Variants in MIPOL1 observed in about 807,000 individuals in gnomAD.
MIPOL1 encodes the protein mirror-image polydactyly gene 1 protein.
In MIPOL1, 57 loss-of-function variants were observed where a neutral mutation model predicts 60.9. The ratio of observed to expected loss-of-function variants is 0.94; its 90% CI spans 0.76 to 1.17. The LOEUF is 1.17. Among genes scored for constraint, MIPOL1 ranks in the 50% most tolerant of loss-of-function variants. The probability of loss-of-function intolerance (pLI) is 0.00; values close to 1 mark genes in which losing one functional copy is unlikely to be tolerated. For synonymous variants in MIPOL1, 179 were observed against 168.8 expected (o/e 1.06, Z -0.47); for missense variants, 551 against 511.6 (o/e 1.08, Z -0.74).
chr14:37,531,286 T>C (rs912709823), intron 12 of MIPOL1, among the ~76,000 whole-genome samples: 1 of 152,140 alleles, frequency 6.6e-6, no homozygotes, highest in African/African-American at 2.4e-5. Context: ...TCATCTATGC[T>C]GCTTTTTTCC....
intron 9 of MIPOL1, among the ~76,000 whole-genome samples, chr14:37,359,215 C>T (rs868103219): frequency 1.6e-4 from 25 of 152,278 alleles, no homozygotes; most frequent in Middle Eastern, 3.4e-3. Context: ...GTACCAGTAC[C>T]GTGCTGTTTT....
chr14:37,362,318 C>G (rs555218743), intron 9 of MIPOL1, among the ~76,000 whole-genome samples: 1 of 152,294 alleles, frequency 6.6e-6, no homozygotes, highest in African/African-American at 2.4e-5. Flanking sequence ...GTGGCAAAAT[C>G]TCTCAGCATT....
rs2092853833 is a variant in MIPOL1, at chr14:37,379,055, T to C, written c.936+9431T>C. 2.0e-5 allele frequency among the ~76,000 whole-genome samples: 3 copies of C among 152,130 alleles called. No individual in the cohort carries two copies. The South Asian group carries it at 6.2e-4, about 32-fold the overall frequency. ...CTTGGATGACTCACGGGTCTTGATG[T>C]AATGCCTACTACAAAGCTACAGTAA... is the stretch of plus-strand genomic sequence containing the variant. On this transcript the variant is annotated intron_variant, in intron 10 of 12. Transcript: ENST00000684589.
intron 9 of MIPOL1, among the ~76,000 whole-genome samples, chr14:37,355,391 T>C (rs2153477275): frequency 7.1e-6 from 1 of 141,368 alleles, no homozygotes; most frequent in Non-Finnish European, 1.5e-5. Context: ...TGTCTTGGAG[T>C]TGCTCTTCTC....
intron 9 of MIPOL1, among the ~76,000 whole-genome samples, chr14:37,363,508 A>G (rs2092359366): frequency 1.3e-5 from 2 of 152,102 alleles, no homozygotes. Flanking sequence ...TGGAAGCTTC[A>G]TCCCAGAGGG....
intron 9 of MIPOL1, among the ~76,000 whole-genome samples, chr14:37,365,326 A>G (rs2092433065): frequency 6.6e-6 from 1 of 152,060 alleles, no homozygotes; most frequent in Non-Finnish European, 1.5e-5. Context: ...CCCATTCAGT[A>G]TGATGTTTGT....
intron 11 of MIPOL1, among the ~76,000 whole-genome samples, chr14:37,436,932 T>C (rs1017158038): frequency 1.3e-5 from 2 of 152,204 alleles, no homozygotes; most frequent in Non-Finnish European, 2.9e-5. Flanking sequence ...AGGGTCAAAA[T>C]TGACTTGACT....
chr14:37,318,790 AT>A, intron 9 of MIPOL1, among the ~76,000 whole-genome samples: 1 of 135,940 alleles, frequency 7.4e-6, no homozygotes, highest in African/African-American at 2.7e-5. Context: ...ATTTTACTTC[AT>A]TTTATTTATT....
chr14:37,238,313 G>T (rs891088718), intron 1 of MIPOL1, among the ~76,000 whole-genome samples: 2 of 152,108 alleles, frequency 1.3e-5, no homozygotes, highest in African/African-American at 4.8e-5. Flanking sequence ...TTCATGGTTT[G>T]TGTTAGTTAA....
At chr14:37,208,125 T>G (rs1365891688) in intron 1 of MIPOL1, among the ~76,000 whole-genome samples, 1 of 152,198 alleles carries the variant, frequency 6.6e-6, no homozygotes, top group Non-Finnish European at 1.5e-5. Flanking sequence ...GATTTTATAC[T>G]GTTTTGGATG....
intron 6 of MIPOL1, among the ~76,000 whole-genome samples, chr14:37,285,008 G>A (rs1265174404): frequency 6.6e-6 from 1 of 152,194 alleles, no homozygotes; most frequent in Non-Finnish European, 1.5e-5. Context: ...TTGCTCTTCA[G>A]ATGGTTGTAG....
intron 11 of MIPOL1, among the ~76,000 whole-genome samples, chr14:37,458,336 A>G (rs1243779530): frequency 1.3e-5 from 2 of 152,218 alleles, no homozygotes; most frequent in Non-Finnish European, 2.9e-5. Context: ...ACATTCTCAG[A>G]ACATTCTATC....
intron 7 of MIPOL1, among the ~76,000 whole-genome samples, chr14:37,303,077 A>G (rs1432230508): frequency 3.9e-5 from 6 of 151,952 alleles, no homozygotes; most frequent in Non-Finnish European, 7.4e-5. Context: ...AATTTTATTC[A>G]TGAGATTTGC....
At chr14:37,393,413 T>C (rs1288706486) in intron 10 of MIPOL1, among the ~76,000 whole-genome samples, 2 of 129,414 alleles carry the variant, frequency 1.5e-5, no homozygotes, top group African/African-American at 5.7e-5. Context: ...TTTGTGTGTG[T>C]GTGTGTGTGT....
intron 9 of MIPOL1, among the ~76,000 whole-genome samples, chr14:37,318,888 G>T (rs1445009074): frequency 6.6e-6 from 1 of 152,014 alleles, no homozygotes; most frequent in Non-Finnish European, 1.5e-5. Context: ...GAATACAGTG[G>T]TGTGATCATG....
chr14:37,408,694 A>T (rs2093633029), intron 10 of MIPOL1, among the ~76,000 whole-genome samples: 1 of 152,170 alleles, frequency 6.6e-6, no homozygotes, highest in Admixed American at 6.5e-5. Flanking sequence ...AATCTACCAA[A>T]TGTGAGAATT....
At chr14:37,526,652 A>G (rs1250467786) in intron 12 of MIPOL1, among the ~76,000 whole-genome samples, 4 of 151,050 alleles carry the variant, frequency 2.6e-5, no homozygotes, top group African/African-American at 4.9e-5. Context: ...AAGTGCTGGG[A>G]TTACAGGCGA....
chr14:37,497,371 T>C (rs1950822), intron 11 of MIPOL1, among the ~76,000 whole-genome samples: 152,346 of 152,350 alleles, frequency 1, 76,171 homozygotes, highest in Middle Eastern at 1. Flanking sequence ...AGGCAAATGC[T>C]GAATTCCCAA....
At chr14:37,270,980 C>T (rs187972673) in intron 6 of MIPOL1, among the ~76,000 whole-genome samples, 1 of 152,034 alleles carries the variant, frequency 6.6e-6, no homozygotes, top group African/African-American at 2.4e-5. Flanking sequence ...CTGTTTTGTG[C>T]AATTAATAAG....
Sources: allele counts gnomAD v4.1 joint callset (sites outside exome capture counted in the v4.1 genomes callset), GRCh38; gene constraint gnomAD v4.1.1; transcripts MANE v1.5; gene names NCBI Gene and HGNC (gene_info 2026-07-23, HGNC 2026-07-21).